Variants in CSMD1 observed in about 807,000 individuals in gnomAD.
The protein encoded by CSMD1 is CUB and Sushi multiple domains 1, also known as CUB and sushi domain-containing protein 1.
In CSMD1, 213 loss-of-function variants were observed where a neutral mutation model predicts 417.5. The observed-to-expected ratio is 0.51, with a 90% CI of 0.46 to 0.57. The LOEUF is 0.57. CSMD1 is among the 20% of genes least tolerant of loss of function. CSMD1 has a pLI of 0.00. For synonymous variants in CSMD1, 2,862 were observed against 1,736.8 expected, an observed-to-expected ratio of 1.65 and a Z score of -16.11; for missense variants, 6,923 against 4,529.7, an observed-to-expected ratio of 1.53 and a Z score of -15.17.
intron 49 of CSMD1, among the ~76,000 whole-genome samples, chr8:3,073,313 T>C (rs920577227): frequency 1.3e-5 from 2 of 150,946 alleles, no homozygotes; most frequent in African/African-American, 4.9e-5. Flanking sequence ...AGAAAGTAGT[T>C]GGAATTTTAA....
At chr8:3,810,439 G>C (rs900591385) in intron 5 of CSMD1, among the ~76,000 whole-genome samples, 1 of 152,122 alleles carries the variant, frequency 6.6e-6, no homozygotes, top group Non-Finnish European at 1.5e-5. Context: ...AGGGATCGAA[G>C]GGAGCACGGG....
intron 3 of CSMD1, among the ~76,000 whole-genome samples, chr8:4,256,183 C>A (rs1023306461): frequency 1.3e-5 from 2 of 152,178 alleles, no homozygotes; most frequent in African/African-American, 4.8e-5. Context: ...ATTTCCACTT[C>A]ATTTGTTTGT....
At chr8:4,081,828 G>C (rs35175055) in intron 3 of CSMD1, among the ~76,000 whole-genome samples, 170 of 149,662 alleles carry the variant, frequency 1.1e-3, no homozygotes, top group African/African-American at 4.0e-3. Context: ...TACAAATAAA[G>C]TTAAAAAAAG....
At chr8:4,612,101 G>T (rs982212585) in intron 2 of CSMD1, among the ~76,000 whole-genome samples, 1 of 152,120 alleles carries the variant, frequency 6.6e-6, no homozygotes, top group African/African-American at 2.4e-5. Context: ...AGGAGGCACA[G>T]ACTCTTTTCA....
intron 1 of CSMD1, among the ~76,000 whole-genome samples, chr8:4,833,394 CACTGTCATGAGA>C (rs1275335130): frequency 6.6e-6 from 1 of 152,180 alleles, no homozygotes; most frequent in Non-Finnish European, 1.5e-5. Context: ...CAAGAGAACT[CACTGTCATGAGA>C]ACAGCAAGAG....
chr8:4,548,355 C>G (rs1030698579), intron 2 of CSMD1, among the ~76,000 whole-genome samples: 1 of 152,038 alleles, frequency 6.6e-6, no homozygotes, highest in African/African-American at 2.4e-5. Flanking sequence ...AATACTCTAT[C>G]GTATTTTGTC....
chr8:3,106,383 G>T (rs1273596251), intron 46 of CSMD1, 145 bp downstream of exon 46: 1 of 554,792 alleles, frequency 1.8e-6, no homozygotes, highest in African/African-American at 1.9e-5. Flanking sequence ...GGGTGACAGA[G>T]TAAGACCCTA....
chr8:4,451,560 G>A (rs776404558), intron 2 of CSMD1, among the ~76,000 whole-genome samples: 10 of 152,184 alleles, frequency 6.6e-5, no homozygotes, highest in Middle Eastern at 3.4e-3. Context: ...AAGGGTGAGC[G>A]ATAGAGTGAA....
intron 1 of CSMD1, among the ~76,000 whole-genome samples, chr8:4,644,141 C>T (rs1803371516): frequency 6.6e-6 from 1 of 152,196 alleles, no homozygotes; most frequent in Non-Finnish European, 1.5e-5. Flanking sequence ...AGCTCTTACA[C>T]TCAAAATGAA....
intron 26 of CSMD1, among the ~76,000 whole-genome samples, chr8:3,266,142 T>A (rs545787980): frequency 6.2e-4 from 94 of 151,172 alleles, no homozygotes; most frequent in African/African-American, 2.2e-3. Flanking sequence ...AGACCTGATG[T>A]CCTGAGACCA....
intron 1 of CSMD1, among the ~76,000 whole-genome samples, chr8:4,993,807 T>C (rs1811607682): frequency 6.6e-6 from 1 of 152,072 alleles, no homozygotes; most frequent in African/African-American, 2.4e-5. Flanking sequence ...AGAGGAGGAA[T>C]GGGGTGTATG....
chr8:4,110,496 T>C (rs184837443), intron 3 of CSMD1, among the ~76,000 whole-genome samples: 1 of 152,288 alleles, frequency 6.6e-6, no homozygotes, highest in South Asian at 2.1e-4. Context: ...ACTTTTCATA[T>C]ATTATTTTCC....
chr8:3,228,711 A>G (rs913026498), intron 27 of CSMD1, among the ~76,000 whole-genome samples: 7 of 152,246 alleles, frequency 4.6e-5, no homozygotes, highest in Admixed American at 4.6e-4. Flanking sequence ...ATTACTTTTA[A>G]GGGATTAACT....
intron 2 of CSMD1, among the ~76,000 whole-genome samples, chr8:4,465,522 A>T (rs917175728): frequency 6.6e-6 from 1 of 152,168 alleles, no homozygotes; most frequent in Admixed American, 6.5e-5. Context: ...GGGGATATGG[A>T]AGCACATACA....
At chr8:4,764,202 T>C (rs967101463) in intron 1 of CSMD1, among the ~76,000 whole-genome samples, 5 of 152,194 alleles carry the variant, frequency 3.3e-5, no homozygotes, top group East Asian at 1.9e-4. Context: ...CCATGTGTTT[T>C]TCAGAGGTAG....
rs545846929 is a variant in CSMD1, at chr8:3,308,190, A to C, written c.3823+122T>G. 2.3e-5 allele frequency: 17 copies of C among 749,882 alleles called. No homozygotes were observed. In the East Asian group the frequency reaches 4.6e-4, roughly 20 times the overall value. The allele number at this position is 749,882 out of a possible 1,614,324, so 46.5% of individuals were successfully genotyped here. A position where few individuals can be genotyped will look rare whatever the true frequency, so the allele number is the denominator to read the frequency against. ...CACGTGCAAATCTCAGAATACATAA[A>C]ACTCACACTGGAAAGTGTGATAAAA... is the stretch of plus-strand genomic sequence containing the variant. On this transcript the variant is annotated intron_variant, in intron 24 of 69. Transcript: ENST00000635120.
intron 5 of CSMD1, among the ~76,000 whole-genome samples, chr8:3,908,634 T>G (rs1465603979): frequency 6.6e-6 from 1 of 152,128 alleles, no homozygotes; most frequent in African/African-American, 2.4e-5. Context: ...AAAAAATCTG[T>G]CTTATTTTTT....
chr8:4,228,376 C>T (rs1040208551), intron 3 of CSMD1, among the ~76,000 whole-genome samples: 26 of 152,056 alleles, frequency 1.7e-4, no homozygotes, highest in African/African-American at 6.0e-4. Context: ...CCTCTGAAAC[C>T]GCTCATGTCA....
chr8:4,521,465 G>C (rs1038761019), intron 2 of CSMD1, among the ~76,000 whole-genome samples: 1 of 152,120 alleles, frequency 6.6e-6, no homozygotes, highest in Non-Finnish European at 1.5e-5. Flanking sequence ...TGTTGTTCTT[G>C]AAGAATATGC....
Sources: allele counts gnomAD v4.1 joint callset (sites outside exome capture counted in the v4.1 genomes callset), GRCh38; gene constraint gnomAD v4.1.1; transcripts MANE v1.5; gene names NCBI Gene and HGNC (gene_info 2026-07-23, HGNC 2026-07-21).